Variants in PTPRD observed in about 807,000 individuals in gnomAD.
PTPRD encodes the protein protein tyrosine phosphatase receptor type D, also known as receptor-type tyrosine-protein phosphatase delta.
In PTPRD, 34 loss-of-function variants were observed where a neutral mutation model predicts 214.5. The ratio of observed to expected loss-of-function variants is 0.16; its 90% CI spans 0.12 to 0.21. The LOEUF (loss-of-function observed/expected upper bound fraction) is 0.21. Among genes scored for constraint, PTPRD ranks in the 10% least tolerant of loss-of-function variants. PTPRD has a pLI of 1.00. For missense variants in PTPRD, 2,545 were observed against 2,398.7 expected, an observed-to-expected ratio of 1.06 and a Z score of -1.27; for synonymous variants, 1,128 against 845.7, an observed-to-expected ratio of 1.33 and a Z score of -5.79.
intron 5 of PTPRD, among the ~76,000 whole-genome samples, chr9:9,860,766 C>T (rs149414516): frequency 5.7e-4 from 86 of 152,168 alleles, no homozygotes; most frequent in African/African-American, 2.1e-3. Context: ...CTGATCCACA[C>T]CACAGGGGTC....
chr9:8,947,475 A>C (rs974183374), intron 11 of PTPRD, among the ~76,000 whole-genome samples: 4 of 151,604 alleles, frequency 2.6e-5, no homozygotes, highest in Admixed American at 6.6e-5. Flanking sequence ...AAAAAAAAAA[A>C]AAAAGAAAAA....
chr9:8,790,647 A>C (rs574217852), intron 11 of PTPRD, among the ~76,000 whole-genome samples: 4 of 152,326 alleles, frequency 2.6e-5, no homozygotes, highest in African/African-American at 9.6e-5. Context: ...GCATGTATGA[A>C]TATCTAAGCA....
chr9:9,631,414 A>T (rs1307973356), intron 7 of PTPRD, among the ~76,000 whole-genome samples: 2 of 152,136 alleles, frequency 1.3e-5, no homozygotes, highest in Non-Finnish European at 2.9e-5. Flanking sequence ...GCCACAAGTT[A>T]TTCTTTCAAA....
intron 2 of PTPRD, among the ~76,000 whole-genome samples, chr9:10,503,221 C>T (rs1178648833): frequency 2.2e-5 from 2 of 91,106 alleles, no homozygotes; most frequent in South Asian, 3.8e-4. Context: ...AAAAAAACAC[C>T]ATTTTTTTCC....
intron 11 of PTPRD, among the ~76,000 whole-genome samples, chr9:8,983,874 T>C (rs567283478): frequency 1.2e-4 from 19 of 152,178 alleles, no homozygotes; most frequent in Non-Finnish European, 2.1e-4. Context: ...TTATCATTGC[T>C]TTTTTACATG....
At chr9:8,973,556 T>C (rs1674673911) in intron 11 of PTPRD, among the ~76,000 whole-genome samples, 1 of 152,148 alleles carries the variant, frequency 6.6e-6, no homozygotes, top group Non-Finnish European at 1.5e-5. Context: ...AGTATAATGA[T>C]CTATATTCCT....
At chr9:10,164,273 G>A (rs988778481) in intron 3 of PTPRD, among the ~76,000 whole-genome samples, 2 of 151,434 alleles carry the variant, frequency 1.3e-5, no homozygotes, top group African/African-American at 2.4e-5. Context: ...CTTCTAGAGG[G>A]CCATAAGATT....
chr9:9,968,831 C>T (rs2094895497), intron 4 of PTPRD, among the ~76,000 whole-genome samples: 1 of 152,098 alleles, frequency 6.6e-6, no homozygotes, highest in Non-Finnish European at 1.5e-5. Flanking sequence ...GGAAAGAAAA[C>T]TTAATGAAAA....
intron 5 of PTPRD, among the ~76,000 whole-genome samples, chr9:9,899,625 T>C (rs2075898311): frequency 6.6e-6 from 1 of 151,880 alleles, no homozygotes; most frequent in African/African-American, 2.4e-5. Context: ...ACAGCTATTA[T>C]GGAAAACAGT....
chr9:10,148,830 A>T (rs1041087173), intron 3 of PTPRD, among the ~76,000 whole-genome samples: 1 of 152,166 alleles, frequency 6.6e-6, no homozygotes, highest in Non-Finnish European at 1.5e-5. Context: ...TGTGCAGCCA[A>T]GTTTGAGCCC....
chr9:9,727,812 C>T (rs540141678), intron 7 of PTPRD, among the ~76,000 whole-genome samples: 1 of 152,226 alleles, frequency 6.6e-6, no homozygotes, highest in African/African-American at 2.4e-5. Context: ...TGAAAGCTAT[C>T]GTAGGTATGT....
In PTPRD at chr9:8,421,121, AT is replaced by A. The variant is rs377398481; in HGVS notation, c.4086+15470del. ...GTTAAGAGTTATAACCTAATGAAGC[AT>A]GCTTATTCATGACTTGATAAATGAT... On this transcript the variant is annotated intron_variant, in intron 35 of 45. Coordinates refer to ENST00000381196, the MANE Select transcript of PTPRD (RefSeq NM_002839.4). 1.2e-3 allele frequency among the ~76,000 whole-genome samples: 189 copies of A among 152,318 alleles called. 1 individual carries two copies. Among genetic ancestry groups the A allele is most frequent in the African/African-American group, 4.4e-3 (184 of 41,592 alleles).
chr9:8,553,333 C>T (rs1294875050), intron 14 of PTPRD, among the ~76,000 whole-genome samples: 1 of 152,156 alleles, frequency 6.6e-6, no homozygotes, highest in East Asian at 1.9e-4. Flanking sequence ...TGTGGAGTTG[C>T]TCTGACCTCA....
intron 12 of PTPRD, among the ~76,000 whole-genome samples, chr9:8,717,273 G>T (rs1264075947): frequency 6.6e-6 from 1 of 152,146 alleles, no homozygotes; most frequent in Non-Finnish European, 1.5e-5. Flanking sequence ...AGCAGGGATG[G>T]AAGAGAAATA....
At chr9:9,077,197 T>G (rs1238578763) in intron 10 of PTPRD, among the ~76,000 whole-genome samples, 2 of 151,798 alleles carry the variant, frequency 1.3e-5, no homozygotes, top group African/African-American at 2.4e-5. Context: ...TCCTTATATA[T>G]TCTGGTTTTT....
chr9:9,289,174 G>C (rs1435856114), intron 9 of PTPRD, among the ~76,000 whole-genome samples: 2 of 151,578 alleles, frequency 1.3e-5, no homozygotes, highest in Non-Finnish European at 2.9e-5. Flanking sequence ...ATTTCTAAAT[G>C]GTAGGTATTT....
chr9:10,135,105 G>C (rs1475234772), intron 3 of PTPRD, among the ~76,000 whole-genome samples: 3 of 152,122 alleles, frequency 2.0e-5, no homozygotes, highest in African/African-American at 7.2e-5. Flanking sequence ...TAATGGAATA[G>C]ACCAACCTGA....
intron 5 of PTPRD, among the ~76,000 whole-genome samples, chr9:9,935,036 C>T (rs1211420681): frequency 6.6e-6 from 1 of 152,110 alleles, no homozygotes; most frequent in Non-Finnish European, 1.5e-5. Flanking sequence ...ACCATTCATG[C>T]TAAAAACTCA....
At chr9:9,522,126 C>T (rs923616413) in intron 8 of PTPRD, among the ~76,000 whole-genome samples, 45 of 130,752 alleles carry the variant, frequency 3.4e-4, no homozygotes, top group African/African-American at 1.3e-3. Context: ...CATTGCACTC[C>T]AGCCTGAGCA....
Sources: allele counts gnomAD v4.1 joint callset (sites outside exome capture counted in the v4.1 genomes callset), GRCh38; gene constraint gnomAD v4.1.1; transcripts MANE v1.5; gene names NCBI Gene and HGNC (gene_info 2026-07-23, HGNC 2026-07-21).